STIM1: variants seen among roughly 807,000 people sequenced by gnomAD.
STIM1 encodes stromal interaction molecule 1.
STIM1 carries 25 observed loss-of-function variants against 74.7 expected under a neutral mutation model. The observed-to-expected ratio is 0.33, with a 90% CI of 0.24 to 0.47. The LOEUF (loss-of-function observed/expected upper bound fraction) is 0.47, where lower values mean the gene tolerates loss of function less well. STIM1 is among the 20% of genes least tolerant of loss of function. The pLI, the probability that STIM1 is intolerant of heterozygous loss-of-function variation, is 1.00. For missense variants in STIM1, 728 were observed against 920.8 expected (o/e 0.79, Z 2.71); for synonymous variants, 328 against 348.8 (o/e 0.94, Z 0.66).
chr11:3,956,377 C>A (rs373537562), intron 1 of STIM1, among the ~76,000 whole-genome samples: 1 of 152,102 alleles, frequency 6.6e-6, no homozygotes, highest in South Asian at 2.1e-4. Context: ...AGGCTTCTGA[C>A]ATAAGCACCT....
chr11:3,939,477 T>C (rs2092978004), intron 1 of STIM1, among the ~76,000 whole-genome samples: 1 of 152,218 alleles, frequency 6.6e-6, no homozygotes, highest in Non-Finnish European at 1.5e-5. Context: ...GAAATACAGA[T>C]GTAAAATACA....
intron 2 of STIM1, among the ~76,000 whole-genome samples, chr11:3,990,349 G>A (rs563457942): frequency 6.6e-6 from 1 of 152,198 alleles, no homozygotes; most frequent in South Asian, 2.1e-4. Context: ...TCACTTTTTG[G>A]CTATAATGAA....
chr11:3,874,547 A>T (rs1476852481), intron 1 of STIM1, among the ~76,000 whole-genome samples: 1 of 152,244 alleles, frequency 6.6e-6, no homozygotes, highest in Non-Finnish European at 1.5e-5. Context: ...GCTTCAGGTT[A>T]CTTTCCTAAG....
intron 1 of STIM1, among the ~76,000 whole-genome samples, chr11:3,879,036 A>G (rs1252304085): frequency 1.3e-5 from 2 of 150,514 alleles, no homozygotes; most frequent in Admixed American, 6.6e-5. Flanking sequence ...GCTCACTGCA[A>G]CCTCCGCCTC....
intron 1 of STIM1, among the ~76,000 whole-genome samples, chr11:3,890,181 C>T (rs2091853075): frequency 6.6e-6 from 1 of 152,190 alleles, no homozygotes; most frequent in African/African-American, 2.4e-5. Flanking sequence ...CTTACCCTCT[C>T]TGGACCTTAG....
At chr11:3,945,056 A>G (rs1017231819) in intron 1 of STIM1, among the ~76,000 whole-genome samples, 3 of 152,186 alleles carry the variant, frequency 2.0e-5, no homozygotes, top group Admixed American at 2.0e-4. Flanking sequence ...GGTAGCTATT[A>G]GGAGTATAGG....
At chr11:4,044,424 T>C (rs1460528680) in intron 3 of STIM1, among the ~76,000 whole-genome samples, 1 of 152,186 alleles carries the variant, frequency 6.6e-6, no homozygotes, top group Non-Finnish European at 1.5e-5. Flanking sequence ...CTTTTAACTT[T>C]TAGGTGCTTG....
intron 4 of STIM1, 63 bp from the exon 5 acceptor site, chr11:4,059,218 C>A: frequency 7.1e-7 from 1 of 1,417,242 alleles, no homozygotes; most frequent in Non-Finnish European, 1.0e-6. Flanking sequence ...GGCGGGTAAT[C>A]CTACCAGGAT....
chr11:3,883,616 G>A (rs1282901228), intron 1 of STIM1, among the ~76,000 whole-genome samples: 1 of 152,214 alleles, frequency 6.6e-6, no homozygotes, highest in Non-Finnish European at 1.5e-5. Context: ...GCCTCCCAAA[G>A]TGTTGGGATT....
chr11:4,008,819 C>T (rs1327289641), intron 2 of STIM1, among the ~76,000 whole-genome samples: 1 of 152,088 alleles, frequency 6.6e-6, no homozygotes, highest in Non-Finnish European at 1.5e-5. Context: ...AGCATGGAAA[C>T]TTCACACAGA....
intron 1 of STIM1, among the ~76,000 whole-genome samples, chr11:3,872,925 G>C (rs1487789189): frequency 3.3e-5 from 5 of 150,452 alleles, no homozygotes; most frequent in African/African-American, 1.2e-4. Context: ...TAATGCACAA[G>C]TATTACTGTG....
Position 4,055,617 on chromosome 11 carries a change from C to T in STIM1, c.477C>T (p.Leu159=). ...AGGAGACCTTCCGGAAGCTGCAGCTCAGTGGCCATGCCATGCCAAGGTCAG... is the reference window on the plus strand; with the variant it reads ...AGGAGACCTTCCGGAAGCTGCAGCTTAGTGGCCATGCCATGCCAAGGTCAG... ...QYEETFRKLQ[L]SGHAMPRLAV... Residue 159 remains leucine, a synonymous_variant, in exon 4 of 13, where the codon CTC becomes CTT. Transcript: ENST00000526596. 2 of 1,590,978 alleles carry T rather than the reference C, an allele frequency of 1.3e-6. No individual in the cohort carries two copies. Among genetic ancestry groups the T allele is most frequent in the Non-Finnish European group, 8.6e-7 (1 of 1,169,150 alleles).
rs150291674 is a variant in STIM1, at chr11:3,929,860, C to A, written c.140-37692C>A. On this transcript the variant is annotated intron_variant, in intron 1 of 12. Coordinates refer to ENST00000526596, the MANE Select transcript of STIM1 (RefSeq NM_001382567.1). ...CAAGTTTACAGACAACAGTCCTGTG[C>A]CTCTCTGGACACGTGACTGGTCTAT... is the stretch of plus-strand genomic sequence containing the variant. 7.4e-3 allele frequency among the ~76,000 whole-genome samples: 1,130 copies of A among 152,258 alleles called. 49 individuals carry two copies. The highest frequency in any genetic ancestry group is 0.067 in the Admixed American group (1,025 of 15,280).
chr11:3,957,564 A>G (rs1275737095), intron 1 of STIM1, among the ~76,000 whole-genome samples: 1 of 151,592 alleles, frequency 6.6e-6, no homozygotes, highest in Non-Finnish European at 1.5e-5. Flanking sequence ...GCCTATTATT[A>G]TTATTAATGT....
chr11:4,041,570 A>G (rs1363189079), intron 3 of STIM1, among the ~76,000 whole-genome samples: 2 of 152,078 alleles, frequency 1.3e-5, no homozygotes, highest in African/African-American at 4.8e-5. Flanking sequence ...GCAGATTGCA[A>G]ATTCAAATCA....
chr11:4,002,644 C>G (rs2093730713), intron 2 of STIM1, among the ~76,000 whole-genome samples: 2 of 148,904 alleles, frequency 1.3e-5, no homozygotes. Flanking sequence ...AGGAAAGATC[C>G]AAAATTGACA....
chr11:3,915,576 T>G (rs2135498149), intron 1 of STIM1, among the ~76,000 whole-genome samples: 1 of 152,078 alleles, frequency 6.6e-6, no homozygotes. Flanking sequence ...TTTTTGTATT[T>G]TTAGTAGAGA....
intron 1 of STIM1, chr11:3,892,843 C>G: frequency 1.9e-6 from 3 of 1,610,384 alleles, no homozygotes; most frequent in South Asian, 1.1e-5. Flanking sequence ...GGCCCAAGGG[C>G]TCGCTGTTGA....
intron 2 of STIM1, among the ~76,000 whole-genome samples, chr11:4,021,567 C>A: frequency 6.6e-6 from 1 of 152,202 alleles, no homozygotes; most frequent in East Asian, 1.9e-4. Context: ...CAGCACCATG[C>A]TGTTTCAGTT....
Sources: allele counts gnomAD v4.1 joint callset (sites outside exome capture counted in the v4.1 genomes callset), GRCh38; gene constraint gnomAD v4.1.1; transcripts MANE v1.5; gene names NCBI Gene and HGNC (gene_info 2026-07-23, HGNC 2026-07-21).